Variants in SPTBN1 observed in about 807,000 individuals in gnomAD.
The protein encoded by SPTBN1 is spectrin beta, non-erythrocytic 1.
SPTBN1 carries 32 observed loss-of-function variants against 266.4 expected under a neutral mutation model. The ratio of observed to expected loss-of-function variants is 0.12; its 90% CI spans 0.09 to 0.16. The LOEUF is 0.16. SPTBN1 is among the 10% of genes least tolerant of loss of function. The pLI is 1.00. For synonymous variants in SPTBN1, 1,336 were observed against 1,162.2 expected (o/e 1.15, Z -3.04); for missense variants, 2,296 against 3,067.1 (o/e 0.75, Z 5.94).
rs562762993 is a variant in SPTBN1 at position 54,640,706 on chromosome 2, C to A, written c.3859-2277C>A. ...AGCTGGGATTCCAGGCATGCGCCAC[C>A]ACACCCAGCTAGTTTTTGTATTTTT... On this transcript the variant is annotated intron_variant, in intron 18 of 35. Coordinates refer to ENST00000356805, the MANE Select transcript of SPTBN1 (RefSeq NM_003128.3). 2.0e-5 allele frequency among the ~76,000 whole-genome samples: 3 copies of A among 152,318 alleles called. No individual in the cohort carries two copies. In the South Asian group the frequency reaches 6.2e-4, roughly 32 times the overall value.
Position 54,477,688 on chromosome 2 carries a change from C to T in SPTBN1, c.-48+21170C>T, listed in dbSNP as rs557761754. Reference sequence around the variant, plus strand: ...CAGCACTTTGGGAGGCTGAGGTGGGCGGAGCACGAGGTCAGGAGTTCGAGA... The same window carrying T: ...CAGCACTTTGGGAGGCTGAGGTGGGTGGAGCACGAGGTCAGGAGTTCGAGA... On this transcript the variant is annotated intron_variant, in intron 1 of 35. Transcript: ENST00000356805. Among the ~76,000 whole-genome samples, 6 of 152,076 alleles carry T rather than the reference C, an allele frequency of 3.9e-5. No individual in the cohort carries two copies. In the South Asian group the frequency reaches 6.3e-4, roughly 16 times the overall value.
intron 12 of SPTBN1, among the ~76,000 whole-genome samples, chr2:54,627,170 C>A (rs138876081): frequency 2.0e-5 from 3 of 152,326 alleles, no homozygotes; most frequent in African/African-American, 7.2e-5. Context: ...GCAAAGTCAT[C>A]TGATACCATC....
At chr2:54,614,378 G>C (rs910633823) in intron 4 of SPTBN1, among the ~76,000 whole-genome samples, 1 of 151,914 alleles carries the variant, frequency 6.6e-6, no homozygotes, top group Non-Finnish European at 1.5e-5. Flanking sequence ...CAAGTTCCCA[G>C]TGTGTGTGTA....
chr2:54,634,189 A>G (rs1028006106), intron 17 of SPTBN1, among the ~76,000 whole-genome samples: 2 of 152,178 alleles, frequency 1.3e-5, no homozygotes, highest in African/African-American at 2.4e-5. Context: ...GGATGTGTGC[A>G]TTCAGGCAGG....
chr2:54,461,853 T>C (rs1434452844), intron 1 of SPTBN1, among the ~76,000 whole-genome samples: 1 of 152,272 alleles, frequency 6.6e-6, no homozygotes, highest in African/African-American at 2.4e-5. Context: ...CTTGTGTTTT[T>C]TTTCTTAACT....
chr2:54,486,109 C>A (rs2103973868), intron 1 of SPTBN1, among the ~76,000 whole-genome samples: 1 of 148,956 alleles, frequency 6.7e-6, no homozygotes, highest in South Asian at 2.1e-4. Context: ...GGGGGTCAGC[C>A]CCACGCCCGG....
chr2:54,665,094 G>C (rs148440596), intron 33 of SPTBN1, among the ~76,000 whole-genome samples: 1 of 152,278 alleles, frequency 6.6e-6, no homozygotes, highest in East Asian at 1.9e-4. Context: ...TCTCTCAACA[G>C]CCCCAATTTT....
At chr2:54,504,787 CT>C (rs1298674182) in intron 1 of SPTBN1, among the ~76,000 whole-genome samples, 1 of 151,862 alleles carries the variant, frequency 6.6e-6, no homozygotes, top group Non-Finnish European at 1.5e-5. Flanking sequence ...AAATGTTTTA[CT>C]TAGTACCTTA....
At chr2:54,662,155 G>A in intron 32 of SPTBN1, 1 of 985,410 alleles carries the variant, frequency 1.0e-6, no homozygotes, top group Non-Finnish European at 1.2e-6. Flanking sequence ...CTAAAGAGAA[G>A]CAACGTGGGG....
chr2:54,670,861 G>A lies in SPTBN1; in HGVS notation c.*2292G>A. On this transcript the variant is annotated 3_prime_UTR_variant, in exon 36 of 36. Coordinates refer to ENST00000356805, the MANE Select transcript of SPTBN1 (RefSeq NM_003128.3). ...ATGATGGGCAGCGAGAGGAGCGTCA[G>A]AAGACCCCAGTCAAGACGTGTTCGC... 2.5e-6 allele frequency: 1 copy of A among 398,588 alleles called. No homozygotes were observed. The highest frequency in any genetic ancestry group is 4.4e-6 in the Non-Finnish European group (1 of 226,068). 24.7% of individuals were successfully genotyped at this position (398,588 alleles called of 1,614,324 possible).
At position 54,539,018 on chromosome 2, in the gene SPTBN1, T is replaced by A. The variant is rs181541352; in HGVS notation, c.148+12452T>A. Among the ~76,000 whole-genome samples the A allele has an allele frequency of 5.1e-3, 772 of 152,312 alleles. 32 individuals are homozygous for A. The highest frequency in any genetic ancestry group is 0.045 in the Admixed American group (690 of 15,296). On this transcript the variant is annotated intron_variant, in intron 2 of 35. Transcript: ENST00000356805. ...GCCCTCTTGCCTGTATGGTTCACAG[T>A]AACCTTTCCTCTTCAAGAAACTTCC...
intron 1 of SPTBN1, among the ~76,000 whole-genome samples, chr2:54,522,184 G>C (rs989478700): frequency 2.0e-5 from 3 of 152,110 alleles, no homozygotes; most frequent in Non-Finnish European, 4.4e-5. Context: ...TTACAGGCGT[G>C]AGCCACCACT....
intron 3 of SPTBN1, among the ~76,000 whole-genome samples, chr2:54,603,755 G>T (rs1238983072): frequency 6.6e-6 from 1 of 152,170 alleles, no homozygotes; most frequent in East Asian, 1.9e-4. Flanking sequence ...TGGAATTAGT[G>T]CTTCCCATCC....
intron 1 of SPTBN1, among the ~76,000 whole-genome samples, chr2:54,524,161 T>A (rs1573332826): frequency 6.6e-6 from 1 of 152,206 alleles, no homozygotes; most frequent in Admixed American, 6.5e-5. Context: ...ATGGTGCCAC[T>A]GCACTCCAGC....
chr2:54,472,282 C>G (rs1693969614), intron 1 of SPTBN1, among the ~76,000 whole-genome samples: 1 of 152,090 alleles, frequency 6.6e-6, no homozygotes, highest in African/African-American at 2.4e-5. Flanking sequence ...CCGCCTGGAC[C>G]TACCAAAGTG....
chr2:54,603,142 G>T (rs1006466784), intron 3 of SPTBN1, among the ~76,000 whole-genome samples: 2 of 152,168 alleles, frequency 1.3e-5, no homozygotes, highest in Non-Finnish European at 2.9e-5. Context: ...CTCTGGACAG[G>T]ATGTCAAGAA....
chr2:54,540,112 G>A lies in SPTBN1; in HGVS notation c.148+13546G>A, dbSNP rs924126936. On this transcript the variant is annotated intron_variant, in intron 2 of 35. Coordinates refer to ENST00000356805, the MANE Select transcript of SPTBN1 (RefSeq NM_003128.3). The surrounding 1 kb of genome is among the most constrained non-coding windows in gnomAD (Gnocchi z 5.6). ...CCTTCACCAAGAACCCAACCATGCT[G>A]GCACCCTGACTTCCAGCCTCCAGAA... Among the ~76,000 whole-genome samples, 8 of 152,182 alleles carry A rather than the reference G, an allele frequency of 5.3e-5. No individual in the cohort carries two copies. Among genetic ancestry groups the A allele is most frequent in the Non-Finnish European group, 1.0e-4 (7 of 68,028 alleles).
intron 2 of SPTBN1, among the ~76,000 whole-genome samples, chr2:54,528,962 T>C (rs1318491434): frequency 6.6e-6 from 1 of 152,264 alleles, no homozygotes; most frequent in Non-Finnish European, 1.5e-5. Flanking sequence ...TATCTTATCC[T>C]ACTTATTATT....
chr2:54,603,252 C>G (rs116707394), intron 3 of SPTBN1, among the ~76,000 whole-genome samples: 2,962 of 143,174 alleles, frequency 0.021, 36 homozygotes, highest in Middle Eastern at 0.045. Flanking sequence ...ATAGTTTGGA[C>G]TAAGTGAAGA....
Sources: gnomAD v4.1 joint callset for allele counts (sites outside exome capture counted in the v4.1 genomes callset) on GRCh38, gnomAD v4.1.1 for gene constraint, Gnocchi (gnomAD v3.1) non-coding constraint, MANE v1.5 for transcripts, NCBI Gene and HGNC (gene_info 2026-07-23, HGNC 2026-07-21) for gene names.